Variants in ARID4A observed in about 807,000 individuals in gnomAD.
ARID4A encodes AT-rich interactive domain-containing protein 4A.
Under a neutral mutation model 148.6 loss-of-function variants are expected in ARID4A, and 39 were observed. The observed-to-expected ratio is 0.26, with a 90% CI of 0.20 to 0.34. The LOEUF is 0.34. Ranked by LOEUF, ARID4A falls within the 10% of genes least tolerant of loss-of-function variation. The pLI is 1.00. For synonymous variants in ARID4A, 475 were observed against 481.2 expected (o/e 0.99, Z 0.17); for missense variants, 1,265 against 1,449.1 (o/e 0.87, Z 2.06).
At chr14:58,360,765 C>G (rs926126880) in intron 18 of ARID4A, 136 bp from the exon 19 acceptor site, 36 of 890,574 alleles carry the variant, frequency 4.0e-5, no homozygotes, top group Non-Finnish European at 4.7e-5. Flanking sequence ...CTTCTTGATT[C>G]TTCTGTAAGC....
chr14:58,350,577 G>A (rs1304833786), intron 15 of ARID4A, among the ~76,000 whole-genome samples: 2 of 152,198 alleles, frequency 1.3e-5, no homozygotes, highest in South Asian at 2.1e-4. Flanking sequence ...CTTTAAAAAT[G>A]TAATCATCCA....
intron 12 of ARID4A, 101 bp from the exon 13 acceptor site, chr14:58,346,309 TA>T: frequency 2.8e-6 from 2 of 707,200 alleles, no homozygotes; most frequent in South Asian, 3.8e-5. Flanking sequence ...TATGTGCCTC[TA>T]ATTAATGAAA....
chr14:58,314,742 G>C (rs1391776897), intron 5 of ARID4A, among the ~76,000 whole-genome samples: 1 of 151,962 alleles, frequency 6.6e-6, no homozygotes, highest in African/African-American at 2.4e-5. Flanking sequence ...CCATTGTTGG[G>C]TTTTCTATTT....
Position 58,343,830 on chromosome 14 carries a change from CA to C in ARID4A, c.907-853del, listed in dbSNP as rs879571657. 1.5e-3 allele frequency among the ~76,000 whole-genome samples: 201 copies of C among 131,192 alleles called. 1 individual carries two copies. Among genetic ancestry groups the C allele is most frequent in the Middle Eastern group, 4.0e-3 (1 of 252 alleles). The allele number at this position is 131,192 out of a possible 152,430, so 86.1% of individuals were successfully genotyped here. The stretch of plus-strand genomic sequence containing the variant: ...AGGCAGCAAGAGCAAAACTCCATCT[CA>C]AAAAAAAAAAAGACAAAAATCTGAG... On this transcript the variant is annotated intron_variant, in intron 11 of 23. Coordinates refer to ENST00000355431, the MANE Select transcript of ARID4A (RefSeq NM_002892.4).
chr14:58,347,049 T>G lies in ARID4A; in HGVS notation c.1104T>G (p.Ile368Met). The G allele has an allele frequency of 6.4e-7, 1 of 1,564,718 alleles. No individual in the cohort carries two copies. Among genetic ancestry groups the G allele is most frequent in the Non-Finnish European group, 8.6e-7 (1 of 1,156,970 alleles). ...NIDSGAVWKQ[I>M]YMDLGIPILN... ...ATAGTGGTGCTGTATGGAAGCAAAT[T>G]TATATGGACCTTGGCATTCCTATTT... The change falls in exon 14 of 24, where the codon ATT (isoleucine) becomes ATG (methionine). Residue 368 changes from isoleucine to methionine, a missense_variant. Ile to Met is a conservative substitution (Grantham distance 10). This residue lies in a region of ARID4A where 249 missense variants were observed against 277.2 expected (regional missense o/e 0.90). Transcript: ENST00000355431.
chr14:58,371,939 C>T lies in ARID4A; in HGVS notation c.3724C>T (p.Pro1242Ser). Reference sequence around the variant, plus strand: ...TGCTTCATCAGACACTGGAATGAGTCCCTCATCATCATCTCCCCCACAAAA... The same window carrying T: ...TGCTTCATCAGACACTGGAATGAGTTCCTCATCATCATCTCCCCCACAAAA... ...SSASSDTGMSPSSSSPPQNVL... is the reference protein window; with the variant it reads ...SSASSDTGMSSSSSSPPQNVL... The change falls in exon 24 of 24, where the codon CCC becomes TCC. Residue 1242 changes from proline (P) to serine (S), a missense_variant. By Grantham distance (74) the Pro-to-Ser change is moderately conservative. This residue lies in a region of ARID4A where 666 missense variants were observed against 730.9 expected (regional missense o/e 0.91). Transcript: ENST00000355431. 6.2e-7 allele frequency: 1 copy of T among 1,612,824 alleles called. No individual in the cohort carries two copies. Among genetic ancestry groups the T allele is most frequent in the Non-Finnish European group, 8.5e-7 (1 of 1,178,918 alleles).
At position 58,323,766 on chromosome 14, in the gene ARID4A, A is replaced by AT. The variant is rs2033049637; in HGVS notation, c.582+150dup. On this transcript the variant is annotated intron_variant, in intron 8 of 23. Transcript: ENST00000355431. ...TAATTGAATAATCATAGTCAGGTCC[A>AT]TAATACTTCACTGTCTTCTTTGGTT... 24 of 643,412 alleles carry AT rather than the reference A, an allele frequency of 3.7e-5. No homozygotes were observed. The East Asian group carries it at 6.7e-4, about 18-fold the overall frequency. 39.9% of individuals were successfully genotyped at this position (643,412 alleles called of 1,614,324 possible).
At chr14:58,316,932 C>G (rs1242073264) in intron 5 of ARID4A, among the ~76,000 whole-genome samples, 6 of 151,064 alleles carry the variant, frequency 4.0e-5, no homozygotes, top group Non-Finnish European at 5.9e-5. Flanking sequence ...GGTGCTCACG[C>G]CTGTAATCCC....
At chr14:58,367,301 C>T (rs1197937973) in intron 23 of ARID4A, among the ~76,000 whole-genome samples, 1 of 152,196 alleles carries the variant, frequency 6.6e-6, no homozygotes, top group Admixed American at 6.5e-5. Context: ...GAAATTCACT[C>T]TTTGCTCAAA....
chr14:58,326,616 A>G lies in ARID4A; in HGVS notation c.583-1621A>G, dbSNP rs189466121. 2.0e-3 allele frequency among the ~76,000 whole-genome samples: 306 copies of G among 152,314 alleles called. 2 individuals carry two copies. Among genetic ancestry groups the G allele is most frequent in the Non-Finnish European group, 3.4e-3 (229 of 68,034 alleles). On this transcript the variant is annotated intron_variant, in intron 8 of 23. Transcript: ENST00000355431. ...GAATTTGGACATAATTCTGCAGAGA[A>G]TTTTCCAAAAGAGTGTTGTTATTTG...
intron 5 of ARID4A, among the ~76,000 whole-genome samples, chr14:58,316,552 T>C (rs935637644): frequency 6.6e-6 from 1 of 152,148 alleles, no homozygotes; most frequent in African/African-American, 2.4e-5. Flanking sequence ...TTCCTTGAAA[T>C]GTTTAAATAT....
chr14:58,366,892 A>G lies in ARID4A; in HGVS notation c.3533A>G (p.Asp1178Gly). ...YKWSFQLNEL[D>G]NMNSTERISF... is the part of the protein sequence containing the mutation. ...CTTTCCCCCCTTTTAGATGAATTAG[A>G]TAATATGAACAGTACAGAGAGAATC... Residue 1178 changes from aspartate (D) to glycine (G), a missense_variant, in exon 23 of 24, where the codon GAT becomes GGT. Physicochemically the swap from Asp to Gly is moderately conservative, Grantham distance 94. Transcript: ENST00000355431. The G allele has an allele frequency of 6.7e-7, 1 of 1,498,932 alleles. No individual in the cohort carries two copies. The highest frequency in any genetic ancestry group is 8.8e-7 in the Non-Finnish European group (1 of 1,133,926). 92.9% of individuals were successfully genotyped at this position (1,498,932 alleles called of 1,614,324 possible).
At position 58,365,661 on chromosome 14, in the gene ARID4A, T is replaced by C. The variant is rs532155761; in HGVS notation, c.3316+39T>C. 3.2e-6 allele frequency: 5 copies of C among 1,548,444 alleles called. No individual in the cohort carries two copies. The South Asian group carries it at 5.7e-5, about 18-fold the overall frequency. On this transcript the variant is annotated intron_variant, in intron 21 of 23. Transcript: ENST00000355431. ...AATGCTAGCTTTTGTATAGTGTTAG[T>C]ATTTTTAGCAGTTTGTTGGCTTGTT...
rs1366276717 is a variant in ARID4A, at chr14:58,329,512, T to C, written c.663-16T>C. ...ATTGAATAAATTGTTTTCCTCCCCT[T>C]CTTCTTGATAATTAGTTACTCTATA... On this transcript the variant is annotated splice_polypyrimidine_tract_variant and intron_variant, in intron 9 of 23. Transcript: ENST00000355431. 1 of 1,525,238 alleles carries C rather than the reference T, an allele frequency of 6.6e-7. No individual in the cohort carries two copies. The highest frequency in any genetic ancestry group is 1.4e-5 in the African/African-American group (1 of 72,964). 94.5% of individuals were successfully genotyped at this position (1,525,238 alleles called of 1,614,324 possible).
At chr14:58,330,201 A>G (rs1426034963) in intron 11 of ARID4A, 32 bp downstream of exon 11, 1 of 1,597,234 alleles carries the variant, frequency 6.3e-7, no homozygotes, top group South Asian at 1.1e-5. Context: ...TAACAAAAAC[A>G]TCTTAATACT....
intron 7 of ARID4A, among the ~76,000 whole-genome samples, chr14:58,320,795 G>C (rs183195897): frequency 2.0e-4 from 31 of 152,006 alleles, no homozygotes; most frequent in Non-Finnish European, 2.6e-4. Flanking sequence ...TTTTAGTAGA[G>C]ACGGGATTTC....
At chr14:58,337,741 T>A (rs2033905893) in intron 11 of ARID4A, among the ~76,000 whole-genome samples, 2 of 152,254 alleles carry the variant, frequency 1.3e-5, no homozygotes, top group African/African-American at 4.8e-5. Flanking sequence ...TGAGTAACAA[T>A]GCTCCTTGCT....
At chr14:58,337,202 C>A (rs763895392) in intron 11 of ARID4A, among the ~76,000 whole-genome samples, 8 of 136,408 alleles carry the variant, frequency 5.9e-5, no homozygotes, top group Non-Finnish European at 1.3e-4. Flanking sequence ...CCAAAGTGAA[C>A]TTTCTAGAAC....
At chr14:58,363,427 C>T (rs1277863040) in intron 19 of ARID4A, among the ~76,000 whole-genome samples, 6 of 152,072 alleles carry the variant, frequency 3.9e-5, no homozygotes, top group African/African-American at 9.7e-5. Flanking sequence ...TTGCTGGGCA[C>T]GGTGGCTCAT....
Sources: allele counts gnomAD v4.1 joint callset (sites outside exome capture counted in the v4.1 genomes callset), GRCh38; gene constraint gnomAD v4.1.1; regional missense constraint gnomAD v4.1.1; transcripts MANE v1.5; gene names NCBI Gene and HGNC (gene_info 2026-07-23, HGNC 2026-07-21).